SLC7A1: variants seen among roughly 807,000 people sequenced by gnomAD.
SLC7A1 encodes solute carrier family 7 member 1.
SLC7A1 carries 10 observed loss-of-function variants against 53.9 expected under a neutral mutation model. The observed-to-expected ratio is 0.19, with a 90% CI of 0.11 to 0.31. The LOEUF (loss-of-function observed/expected upper bound fraction) is 0.31. Ranked by LOEUF, SLC7A1 falls within the 10% of genes least tolerant of loss-of-function variation. The pLI is 1.00. For missense variants in SLC7A1, 525 were observed against 827.2 expected, an observed-to-expected ratio of 0.63 and a Z score of 4.48; for synonymous variants, 342 against 338.7, an observed-to-expected ratio of 1.01 and a Z score of -0.11.
At position 29,535,803 on chromosome 13, in the gene SLC7A1, G is replaced by T; in HGVS notation, c.370+16C>A. The T allele has an allele frequency of 6.2e-7, 1 of 1,603,082 alleles. No individual in the cohort carries two copies. Among genetic ancestry groups the T allele is most frequent in the South Asian group, 1.1e-5 (1 of 90,754 alleles). On this transcript the variant is annotated intron_variant, in intron 3 of 12. Transcript: ENST00000380752. ...AAAGTGGTAGAGGGCACGAGCTCCG[G>T]ACCCCTGGGACCTACCGATGATGTA...
chr13:29,557,106 A>G (rs1870472282), intron 1 of SLC7A1, among the ~76,000 whole-genome samples: 3 of 152,208 alleles, frequency 2.0e-5, no homozygotes, highest in Admixed American at 6.5e-5. Flanking sequence ...ATTTATTGTA[A>G]TTTTTGAGAT....
chr13:29,520,537 T>C (rs1868590093), intron 8 of SLC7A1, among the ~76,000 whole-genome samples: 1 of 152,208 alleles, frequency 6.6e-6, no homozygotes, highest in Non-Finnish European at 1.5e-5. Context: ...GCACCCTTAT[T>C]TGAACATCTT....
intron 1 of SLC7A1, among the ~76,000 whole-genome samples, chr13:29,566,602 G>A (rs933381175): frequency 2.4e-4 from 37 of 152,164 alleles, no homozygotes; most frequent in South Asian, 2.1e-4. Flanking sequence ...GGTTGTGTAC[G>A]GCTTGGCTAC....
chr13:29,593,580 A>G (rs1416105703), intron 1 of SLC7A1, among the ~76,000 whole-genome samples: 1 of 152,260 alleles, frequency 6.6e-6, no homozygotes, highest in Non-Finnish European at 1.5e-5. Flanking sequence ...GAAAGGATTA[A>G]TTTAATTGGA....
At chr13:29,591,159 T>G (rs754538769) in intron 1 of SLC7A1, among the ~76,000 whole-genome samples, 1 of 152,166 alleles carries the variant, frequency 6.6e-6, no homozygotes, top group Non-Finnish European at 1.5e-5. Flanking sequence ...AACTGAGCCT[T>G]CTTTCCAGTA....
intron 2 of SLC7A1, among the ~76,000 whole-genome samples, chr13:29,540,546 T>C (rs11617418): frequency 0.21 from 32,387 of 152,218 alleles, 3,627 homozygotes; most frequent in African/African-American, 0.23. Flanking sequence ...GTGTGACGTT[T>C]TCACCTTGAA....
chr13:29,543,574 C>G (rs1171979147), intron 2 of SLC7A1, among the ~76,000 whole-genome samples: 1 of 152,192 alleles, frequency 6.6e-6, no homozygotes, highest in Non-Finnish European at 1.5e-5. Flanking sequence ...GCCCACCACT[C>G]TAAGTCTTAC....
At chr13:29,524,048 G>T in intron 6 of SLC7A1, 84 bp downstream of exon 6, 3 of 1,399,566 alleles carry the variant, frequency 2.1e-6, no homozygotes, top group Non-Finnish European at 3.0e-6. Context: ...ACTGGACCGT[G>T]CCAGCAAGGA....
At chr13:29,539,255 C>G (rs1040667895) in intron 2 of SLC7A1, among the ~76,000 whole-genome samples, 1 of 152,138 alleles carries the variant, frequency 6.6e-6, no homozygotes, top group East Asian at 1.9e-4. Context: ...TGGCAAGGAG[C>G]GCACCAGAGC....
intron 1 of SLC7A1, among the ~76,000 whole-genome samples, chr13:29,560,110 T>A (rs893361303): frequency 3.9e-5 from 6 of 152,184 alleles, no homozygotes; most frequent in African/African-American, 1.4e-4. Flanking sequence ...CCTTATTCTA[T>A]AAGCTTTTTC....
intron 2 of SLC7A1, among the ~76,000 whole-genome samples, chr13:29,549,000 C>T (rs1870054120): frequency 6.6e-6 from 1 of 152,218 alleles, no homozygotes; most frequent in African/African-American, 2.4e-5. Flanking sequence ...CACTTTTAAT[C>T]TGACTTCTAA....
intron 2 of SLC7A1, among the ~76,000 whole-genome samples, chr13:29,539,006 T>G (rs939920595): frequency 6.6e-6 from 1 of 152,114 alleles, no homozygotes; most frequent in Non-Finnish European, 1.5e-5. Context: ...AAGCAGATTC[T>G]CTCCATAAAA....
rs538934310 is a variant in SLC7A1, at chr13:29,555,357, C to CAAAAAAA, written c.-114-1504_-114-1498dup. On this transcript the variant is annotated intron_variant, in intron 1 of 12. Coordinates refer to ENST00000380752, the MANE Select transcript of SLC7A1 (RefSeq NM_003045.5). ...TGGGCGACAGAGCGAGACTCCGTCT[C>CAAAAAAA]AAAAAAAAAAAAAAAAAAAAAAAAG... 8.7e-3 allele frequency among the ~76,000 whole-genome samples: 163 copies of CAAAAAAA among 18,772 alleles called. 23 individuals are homozygous for CAAAAAAA. The highest frequency in any genetic ancestry group is 0.083 in the Middle Eastern group (1 of 12). 12.3% of individuals were successfully genotyped at this position (18,772 alleles called of 152,430 possible).
intron 5 of SLC7A1, among the ~76,000 whole-genome samples, chr13:29,529,893 T>G (rs945809010): frequency 2.0e-5 from 3 of 152,152 alleles, no homozygotes; most frequent in Non-Finnish European, 4.4e-5. Context: ...GAGCTTTCAA[T>G]GAGGGCTGGG....
At chr13:29,519,385 T>C (rs1868516697) in intron 9 of SLC7A1, 62 bp downstream of exon 9, 3 of 964,582 alleles carry the variant, frequency 3.1e-6, no homozygotes, top group African/African-American at 3.2e-5. Context: ...ATAGCTGAAC[T>C]GTGAAAAGGC....
intron 6 of SLC7A1, 138 bp downstream of exon 6, chr13:29,523,994 G>C: frequency 1.3e-6 from 1 of 788,158 alleles, no homozygotes; most frequent in South Asian, 1.8e-5. Context: ...GGGCTTGGCA[G>C]GAAGCTACAA....
intron 2 of SLC7A1, 45 bp from the exon 3 acceptor site, chr13:29,536,247 A>T: frequency 6.5e-7 from 1 of 1,546,598 alleles, no homozygotes; most frequent in Non-Finnish European, 8.8e-7. Flanking sequence ...TCCTCATTTC[A>T]CCCATTACTC....
At chr13:29,531,460 A>C (rs561900739) in intron 4 of SLC7A1, among the ~76,000 whole-genome samples, 2 of 152,328 alleles carry the variant, frequency 1.3e-5, no homozygotes, top group East Asian at 3.9e-4. Flanking sequence ...CTGGGCAAGA[A>C]AAGTGGCACA....
At chr13:29,590,073 A>G (rs1458176096) in intron 1 of SLC7A1, among the ~76,000 whole-genome samples, 1 of 150,338 alleles carries the variant, frequency 6.7e-6, no homozygotes, top group Admixed American at 6.6e-5. Context: ...CAAGATGCAG[A>G]GAAGGACACT....
Sources: allele counts gnomAD v4.1 joint callset (sites outside exome capture counted in the v4.1 genomes callset), GRCh38; gene constraint gnomAD v4.1.1; transcripts MANE v1.5; gene names NCBI Gene and HGNC (gene_info 2026-07-23, HGNC 2026-07-21).